The following GRM8 variants were observed in gnomAD, a reference collection of about 807,000 sequenced individuals.
GRM8 encodes glutamate metabotropic receptor 8, also known as metabotropic glutamate receptor 8.
Under a neutral mutation model 87.2 loss-of-function variants are expected in GRM8, and 47 were observed. That is an observed-to-expected ratio of 0.54 (90% CI 0.43 to 0.69). The LOEUF is 0.69. GRM8 is among the 30% of genes least tolerant of loss of function. GRM8 has a pLI of 0.00. For missense variants in GRM8, 1,019 were observed against 1,139.2 expected, an observed-to-expected ratio of 0.89 and a Z score of 1.52; for synonymous variants, 396 against 404.5, an observed-to-expected ratio of 0.98 and a Z score of 0.25.
intron 6 of GRM8, among the ~76,000 whole-genome samples, chr7:126,834,113 C>A (rs112524757): frequency 1.3e-5 from 2 of 152,254 alleles, no homozygotes; most frequent in Non-Finnish European, 2.9e-5. Context: ...CAGAGGTGCT[C>A]CCACATAAAT....
chr7:127,137,157 G>A (rs901761044), intron 2 of GRM8, among the ~76,000 whole-genome samples: 1 of 151,512 alleles, frequency 6.6e-6, no homozygotes, highest in Non-Finnish European at 1.5e-5. Flanking sequence ...ATAAAATGAA[G>A]ATAAAAGCAG....
chr7:126,879,863 T>A (rs1187162584), intron 6 of GRM8, among the ~76,000 whole-genome samples: 9 of 152,156 alleles, frequency 5.9e-5, no homozygotes, highest in South Asian at 2.1e-4. Context: ...ATAAGGTTAG[T>A]CAGGGGTGAG....
chr7:126,664,565 G>T (rs748904075), intron 7 of GRM8, among the ~76,000 whole-genome samples: 3 of 152,160 alleles, frequency 2.0e-5, no homozygotes, highest in African/African-American at 7.2e-5. Context: ...TAACTGGCTA[G>T]CCATATGTGG....
chr7:127,091,626 C>T (rs1824100468), intron 3 of GRM8, among the ~76,000 whole-genome samples: 1 of 120,788 alleles, frequency 8.3e-6, no homozygotes, highest in Non-Finnish European at 1.7e-5. Context: ...CTGTCCCACT[C>T]ATCATCCCCC....
intron 8 of GRM8, among the ~76,000 whole-genome samples, chr7:126,553,083 C>G (rs897681375): frequency 2.0e-5 from 3 of 152,096 alleles, no homozygotes; most frequent in African/African-American, 7.2e-5. Context: ...CCACCAATCC[C>G]TCCTCCTGTT....
At chr7:126,736,312 T>C (rs1033236883) in intron 7 of GRM8, among the ~76,000 whole-genome samples, 5 of 152,114 alleles carry the variant, frequency 3.3e-5, no homozygotes, top group Admixed American at 2.0e-4. Flanking sequence ...GCCATTTTTA[T>C]TTTTAATTTC....
At chr7:127,138,306 T>G (rs1030454463) in intron 2 of GRM8, among the ~76,000 whole-genome samples, 10 of 152,108 alleles carry the variant, frequency 6.6e-5, no homozygotes, top group African/African-American at 2.4e-4. Context: ...ACCCAGAGGC[T>G]CGAATATTCC....
intron 7 of GRM8, among the ~76,000 whole-genome samples, chr7:126,660,013 G>A (rs1249399076): frequency 1.3e-5 from 2 of 151,958 alleles, no homozygotes; most frequent in Admixed American, 6.6e-5. Context: ...TTCATTTAAG[G>A]TATTTTCTTC....
At chr7:127,246,419 G>A (rs555624072) in intron 1 of GRM8, among the ~76,000 whole-genome samples, 25 of 152,288 alleles carry the variant, frequency 1.6e-4, no homozygotes, top group African/African-American at 3.9e-4. Flanking sequence ...TGGCAGAAGC[G>A]GGGACTGTGC....
intron 3 of GRM8, among the ~76,000 whole-genome samples, chr7:126,931,240 A>T (rs1805731352): frequency 6.6e-6 from 1 of 152,232 alleles, no homozygotes; most frequent in Non-Finnish European, 1.5e-5. Flanking sequence ...AAGAAATAAA[A>T]TGCAAGAATA....
chr7:126,724,757 T>C (rs1331145372), intron 7 of GRM8, among the ~76,000 whole-genome samples: 2 of 148,414 alleles, frequency 1.3e-5, no homozygotes, highest in Non-Finnish European at 3.0e-5. Flanking sequence ...ATAAACTATT[T>C]GCAAAAAAAA....
chr7:126,879,694 G>T (rs1266377949), intron 6 of GRM8, among the ~76,000 whole-genome samples: 1 of 152,078 alleles, frequency 6.6e-6, no homozygotes, highest in African/African-American at 2.4e-5. Context: ...AATAACAGAA[G>T]AAAAAGTTAT....
chr7:126,941,443 T>G (rs368739374), intron 3 of GRM8, among the ~76,000 whole-genome samples: 40 of 128,890 alleles, frequency 3.1e-4, no homozygotes, highest in Admixed American at 1.6e-3. Flanking sequence ...CCATCTCTAC[T>G]AAAAAAAAAA....
chr7:127,060,319 TAC>T (rs1490592988), intron 3 of GRM8, among the ~76,000 whole-genome samples: 1 of 152,058 alleles, frequency 6.6e-6, no homozygotes, highest in Non-Finnish European at 1.5e-5. Flanking sequence ...ATATGATATA[TAC>T]ACATATATAT....
intron 3 of GRM8, among the ~76,000 whole-genome samples, chr7:126,977,518 G>A (rs191139802): frequency 2.0e-5 from 3 of 152,296 alleles, no homozygotes; most frequent in Admixed American, 2.0e-4. Context: ...TTCCTTCTTT[G>A]ATATAATTCC....
At chr7:126,518,389 G>T (rs1250042058) in intron 9 of GRM8, among the ~76,000 whole-genome samples, 1 of 152,048 alleles carries the variant, frequency 6.6e-6, no homozygotes, top group Non-Finnish European at 1.5e-5. Flanking sequence ...AGCAAAATCT[G>T]ATATACTGAG....
chr7:127,228,025 G>A (rs748836969), intron 2 of GRM8, among the ~76,000 whole-genome samples: 3 of 152,174 alleles, frequency 2.0e-5, no homozygotes, highest in African/African-American at 7.2e-5. Flanking sequence ...GAATAGCAAG[G>A]AAAAATTATT....
At chr7:127,166,874 C>T (rs1793484060) in intron 2 of GRM8, among the ~76,000 whole-genome samples, 1 of 152,100 alleles carries the variant, frequency 6.6e-6, no homozygotes, top group South Asian at 2.1e-4. Flanking sequence ...GTATTGGTCA[C>T]CTTCAAGTGC....
chr7:126,506,769 A>T (rs574604433), intron 9 of GRM8, among the ~76,000 whole-genome samples: 3 of 151,464 alleles, frequency 2.0e-5, no homozygotes, highest in Admixed American at 2.0e-4. Flanking sequence ...ACAGAGTAAG[A>T]CTCTGTCTCA....
Sources: allele counts gnomAD v4.1 joint callset (sites outside exome capture counted in the v4.1 genomes callset), GRCh38; gene constraint gnomAD v4.1.1; transcripts MANE v1.5; gene names NCBI Gene and HGNC (gene_info 2026-07-23, HGNC 2026-07-21).